CPAP: variants seen among roughly 807,000 people sequenced by gnomAD.
The protein encoded by CPAP is centrosome assembly and centriole elongation protein.
At chr13:24,885,542 T>C in the CPAP span, 2 of 1,321,682 alleles carry the variant, frequency 1.5e-6, no homozygotes, top group African/African-American at 2.9e-5. Flanking sequence ...GTTAAGTCTA[T>C]TAACAAATTG....
chr13:24,893,265 A>G, the CPAP span, among the ~76,000 whole-genome samples: 1 of 152,282 alleles, frequency 6.6e-6, no homozygotes, highest in Non-Finnish European at 1.5e-5. Flanking sequence ...AAAAGATTCC[A>G]AAGTCAAAAC....
chr13:24,908,941 T>G, the CPAP span, among the ~76,000 whole-genome samples: 1 of 152,338 alleles, frequency 6.6e-6, no homozygotes, highest in Non-Finnish European at 1.5e-5. Context: ...ACAAGATACC[T>G]GCATATTATT....
At chr13:24,884,243 G>C in the CPAP span, 66 of 1,613,992 alleles carry the variant, frequency 4.1e-5, no homozygotes, top group African/African-American at 6.8e-4. Flanking sequence ...CATAGTAGTA[G>C]ATCTGTAAAG....
chr13:24,885,118 CAG>C, the CPAP span, among the ~76,000 whole-genome samples: 1 of 152,250 alleles, frequency 6.6e-6, no homozygotes, highest in East Asian at 1.9e-4. Context: ...AAAGATCATA[CAG>C]AGATTGTATG....
chr13:24,906,863 A>C, the CPAP span: 1 of 1,614,178 alleles, frequency 6.2e-7, no homozygotes, highest in Non-Finnish European at 8.5e-7. Context: ...GCCTTTTTGA[A>C]ACTTAGATTT....
the CPAP span, among the ~76,000 whole-genome samples, chr13:24,896,169 G>A: frequency 6.6e-6 from 1 of 152,204 alleles, no homozygotes; most frequent in African/African-American, 2.4e-5. Flanking sequence ...AAACCAGCAA[G>A]AAATAATGAA....
the CPAP span, chr13:24,883,406 A>AAAT: frequency 6.9e-7 from 1 of 1,451,714 alleles, no homozygotes; most frequent in Admixed American, 1.9e-5. Context: ...TCTTAAAAAA[A>AAAT]AAATAATAGA....
the CPAP span, among the ~76,000 whole-genome samples, chr13:24,892,061 TAC>T: frequency 2.0e-5 from 3 of 152,344 alleles, no homozygotes; most frequent in African/African-American, 7.2e-5. Flanking sequence ...TTTGGCTTAT[TAC>T]AGTCTTTCTT....
At chr13:24,894,450 C>T in the CPAP span, among the ~76,000 whole-genome samples, 3 of 152,132 alleles carry the variant, frequency 2.0e-5, no homozygotes, top group Admixed American at 1.3e-4. Flanking sequence ...CAGACGGCCG[C>T]GATGAGGCCT....
At chr13:24,892,458 G>A in the CPAP span, among the ~76,000 whole-genome samples, 3 of 152,068 alleles carry the variant, frequency 2.0e-5, no homozygotes, top group East Asian at 5.8e-4. Flanking sequence ...TGCAACCATC[G>A]CCCTCCATCC....
the CPAP span, among the ~76,000 whole-genome samples, chr13:24,933,881 C>G: frequency 6.6e-6 from 1 of 152,024 alleles, no homozygotes; most frequent in Non-Finnish European, 1.5e-5. Context: ...CCTGCCACCA[C>G]GCCTGGCTAA....
chr13:24,887,970 G>A, the CPAP span, among the ~76,000 whole-genome samples: 2 of 152,172 alleles, frequency 1.3e-5, no homozygotes, highest in Non-Finnish European at 2.9e-5. Context: ...GAAAAGCCAC[G>A]GGCTCCACAG....
chr13:24,926,136 A>C, the CPAP span, among the ~76,000 whole-genome samples: 3 of 152,280 alleles, frequency 2.0e-5, no homozygotes, highest in African/African-American at 7.2e-5. Context: ...CTGTGTGAGG[A>C]ATGCTGCAAC....
At chr13:24,887,798 G>C in the CPAP span, among the ~76,000 whole-genome samples, 1 of 152,174 alleles carries the variant, frequency 6.6e-6, no homozygotes, top group Non-Finnish European at 1.5e-5. Flanking sequence ...CAAAAAGGTT[G>C]GGGACTGCTA....
chr13:24,907,070 C>A, the CPAP span: 3 of 1,608,640 alleles, frequency 1.9e-6, no homozygotes, highest in Non-Finnish European at 2.6e-6. Flanking sequence ...ATGATTTAAT[C>A]AGAAGAGCAC....
the CPAP span, among the ~76,000 whole-genome samples, chr13:24,896,157 C>T: frequency 6.6e-6 from 1 of 152,096 alleles, no homozygotes; most frequent in South Asian, 2.1e-4. Flanking sequence ...GGAACTGCAC[C>T]AAAACCAGCA....
At chr13:24,917,076 C>G in the CPAP span, among the ~76,000 whole-genome samples, 8 of 152,084 alleles carry the variant, frequency 5.3e-5, no homozygotes, top group African/African-American at 1.9e-4. Context: ...CAGTGAAACC[C>G]CGTCTCTACT....
chr13:24,883,270 T>C, the CPAP span: 1 of 1,613,730 alleles, frequency 6.2e-7, no homozygotes, highest in Admixed American at 1.7e-5. Context: ...CGTTTGCATA[T>C]ACGGTTTTAA....
chr13:24,905,628 C>T, the CPAP span: 1 of 1,614,186 alleles, frequency 6.2e-7, no homozygotes, highest in South Asian at 1.1e-5. Context: ...CACAAATTCT[C>T]TTCAAGGTCA....
Sources: allele counts gnomAD v4.1 joint callset (sites outside exome capture counted in the v4.1 genomes callset), GRCh38; gene constraint gnomAD v4.1.1; transcripts MANE v1.5; gene names NCBI Gene and HGNC (gene_info 2026-07-23, HGNC 2026-07-21).